The following FAAH2 variants were observed in gnomAD, a reference collection of about 807,000 sequenced individuals.
FAAH2 encodes the protein fatty acid amide hydrolase 2.
Under a neutral mutation model 36.9 loss-of-function variants are expected in FAAH2, and 60 were observed. The ratio of observed to expected loss-of-function variants is 1.63; its 90% CI spans 1.32 to 2.02. The LOEUF (loss-of-function observed/expected upper bound fraction) is 2.02, where lower values mean the gene tolerates loss of function less well. Among genes scored for constraint, FAAH2 ranks in the 30% most tolerant of loss-of-function variants. The probability of loss-of-function intolerance (pLI) is 0.00; values close to 1 mark genes in which losing one functional copy is unlikely to be tolerated. For synonymous variants in FAAH2, 214 were observed against 143.8 expected (o/e 1.49, Z -3.49); for missense variants, 689 against 397.5 (o/e 1.73, Z -6.23).
At chrX:57,340,625 G>T (rs2053663295) in intron 4 of FAAH2, among the ~76,000 whole-genome samples, 1 of 111,924 alleles carries the variant, frequency 8.9e-6, no homozygotes, top group Non-Finnish European at 1.9e-5. Flanking sequence ...AAAGGAACAA[G>T]ATCATGTCCT....
intron 8 of FAAH2, among the ~76,000 whole-genome samples, chrX:57,437,385 CT>C (rs935710191): frequency 1.8e-5 from 2 of 110,375 alleles, no homozygotes; most frequent in African/African-American, 6.6e-5. Flanking sequence ...CCAGAGCAAT[CT>C]GGCAAAAGAA....
At chrX:57,431,874 TC>T (rs2056310847) in intron 7 of FAAH2, 43 bp from the exon 8 acceptor site, 1 of 1,055,488 alleles carries the variant, frequency 9.5e-7, no homozygotes, top group Non-Finnish European at 1.3e-6. Context: ...TAGTATCTCC[TC>T]TTCTCATCAT....
At chrX:57,227,413 T>C in the FAAH2 span, among the ~76,000 whole-genome samples, 1 of 111,295 alleles carries the variant, frequency 9.0e-6, no homozygotes, top group Non-Finnish European at 1.9e-5. Context: ...GTGATTGTTG[T>C]CTCTCTTCTG....
At chrX:57,162,981 TC>T in the FAAH2 span, among the ~76,000 whole-genome samples, 1 of 112,236 alleles carries the variant, frequency 8.9e-6, no homozygotes, top group African/African-American at 3.2e-5. Flanking sequence ...TTTTTCCCCA[TC>T]TTTGTGGTTT....
intron 3 of FAAH2, among the ~76,000 whole-genome samples, chrX:57,312,581 G>A (rs1243876573): frequency 9.1e-6 from 1 of 110,283 alleles, no homozygotes; most frequent in African/African-American, 3.3e-5. Context: ...TTGGGAGGCT[G>A]AGGTAGGAGA....
chrX:57,344,206 G>A lies in FAAH2; in HGVS notation c.742+2816G>A, dbSNP rs546939926. 1.4e-4 allele frequency among the ~76,000 whole-genome samples: 15 copies of A among 109,583 alleles called. No individual in the cohort carries two copies. The South Asian group carries it at 5.5e-3, about 40-fold the overall frequency. On this transcript the variant is annotated intron_variant, in intron 5 of 10. Transcript: ENST00000374900. The stretch of plus-strand genomic sequence containing the variant: ...ATATGTAAATTACTTTGGAAAGTAT[G>A]GCAATTTTAATGATATTGATTCTTC...
intron 7 of FAAH2, among the ~76,000 whole-genome samples, chrX:57,409,628 G>A (rs1489781612): frequency 6.3e-5 from 7 of 110,871 alleles, no homozygotes; most frequent in Admixed American, 5.8e-4. Context: ...AGTTTTTATG[G>A]TGTAGGTTCT....
intron 3 of FAAH2, among the ~76,000 whole-genome samples, chrX:57,323,765 A>G (rs1159441722): frequency 1.9e-5 from 2 of 104,570 alleles, no homozygotes; most frequent in Admixed American, 1.1e-4. Context: ...TGCAGATTGC[A>G]AAAATTTTCT....
At chrX:57,417,797 A>G (rs1382652359) in intron 7 of FAAH2, among the ~76,000 whole-genome samples, 2 of 112,097 alleles carry the variant, frequency 1.8e-5, no homozygotes, top group Admixed American at 1.9e-4. Flanking sequence ...GTCAGCAGGC[A>G]GGAACTTTTA....
At chrX:57,214,622 T>G in the FAAH2 span, among the ~76,000 whole-genome samples, 608 of 111,042 alleles carry the variant, frequency 5.5e-3, 5 homozygotes, top group African/African-American at 0.019. Context: ...AGAGACGGGA[T>G]TTCGCCATGT....
chrX:57,260,740 GAT>G, the FAAH2 span, among the ~76,000 whole-genome samples: 5 of 109,539 alleles, frequency 4.6e-5, no homozygotes, highest in East Asian at 2.8e-4. Context: ...GGGATCAAAG[GAT>G]ATGTGTGTGT....
chrX:57,426,237 A>G (rs1429639474), intron 7 of FAAH2, among the ~76,000 whole-genome samples: 1 of 112,053 alleles, frequency 8.9e-6, no homozygotes, highest in Admixed American at 9.5e-5. Flanking sequence ...AATAAATCCT[A>G]AGTATATATG....
intron 7 of FAAH2, among the ~76,000 whole-genome samples, chrX:57,384,359 A>C (rs1245493972): frequency 9.7e-6 from 1 of 103,401 alleles, no homozygotes. Context: ...CTGCACAGCA[A>C]AAGAAACTAC....
intron 7 of FAAH2, among the ~76,000 whole-genome samples, chrX:57,408,092 CATTATT>C: frequency 9.1e-6 from 1 of 110,255 alleles, no homozygotes; most frequent in East Asian, 2.8e-4. Flanking sequence ...GATGCTTCCA[CATTATT>C]ATTATTATTA....
chrX:57,412,127 C>T (rs1019968014), intron 7 of FAAH2, among the ~76,000 whole-genome samples: 1 of 111,831 alleles, frequency 8.9e-6, no homozygotes, highest in Non-Finnish European at 1.9e-5. Flanking sequence ...CAAATCGACT[C>T]TTCTAGTTAT....
intron 7 of FAAH2, among the ~76,000 whole-genome samples, chrX:57,424,675 G>A (rs1032807816): frequency 2.7e-5 from 3 of 112,056 alleles, no homozygotes; most frequent in Admixed American, 9.4e-5. Flanking sequence ...TAGAAGCAAA[G>A]CCAAACAACC....
chrX:57,236,854 G>C, the FAAH2 span, among the ~76,000 whole-genome samples: 1 of 111,110 alleles, frequency 9.0e-6, no homozygotes, highest in Admixed American at 9.6e-5. Context: ...AAGCTTTTTA[G>C]TTCAGTGTAA....
chrX:57,382,299 A>G (rs968247891), intron 7 of FAAH2, among the ~76,000 whole-genome samples: 1 of 111,725 alleles, frequency 9.0e-6, no homozygotes, highest in Non-Finnish European at 1.9e-5. Flanking sequence ...TTCAAAAGCT[A>G]GCAGAAGGCA....
chrX:57,143,661 A>G, the FAAH2 span, among the ~76,000 whole-genome samples: 1 of 110,284 alleles, frequency 9.1e-6, no homozygotes, highest in Non-Finnish European at 1.9e-5. Context: ...TATTTTTGGT[A>G]GACAGGGGGT....
Sources: allele counts gnomAD v4.1 joint callset (sites outside exome capture counted in the v4.1 genomes callset), GRCh38; gene constraint gnomAD v4.1.1; transcripts MANE v1.5; gene names NCBI Gene and HGNC (gene_info 2026-07-23, HGNC 2026-07-21).